CLRN3: variants seen among roughly 807,000 people sequenced by gnomAD.
CLRN3 encodes the protein clarin-3.
CLRN3 carries 12 observed loss-of-function variants against 16.7 expected under a neutral mutation model. The ratio of observed to expected loss-of-function variants is 0.72; its 90% CI spans 0.46 to 1.16. The LOEUF (loss-of-function observed/expected upper bound fraction) is 1.16, where lower values mean the gene tolerates loss of function less well. CLRN3 is among the 50% of genes most tolerant of loss of function. The probability of loss-of-function intolerance (pLI) is 0.00; values close to 1 mark genes in which losing one functional copy is unlikely to be tolerated. For missense variants in CLRN3, 296 were observed against 274.2 expected, an observed-to-expected ratio of 1.08 and a Z score of -0.56; for synonymous variants, 118 against 113.0, an observed-to-expected ratio of 1.04 and a Z score of -0.28.
chr10:127,889,600 G>A (rs910027350), intron 1 of CLRN3, among the ~76,000 whole-genome samples: 2 of 152,128 alleles, frequency 1.3e-5, no homozygotes, highest in African/African-American at 4.8e-5. Context: ...CTCCAGTCTG[G>A]GTGTGAAGCA....
intron 1 of CLRN3, among the ~76,000 whole-genome samples, chr10:127,885,821 T>C (rs1185366584): frequency 6.6e-6 from 1 of 151,840 alleles, no homozygotes; most frequent in African/African-American, 2.4e-5. Context: ...AATGGTGCGA[T>C]CTCGGCTCAC....
At chr10:127,881,929 T>C (rs1049208419) in intron 2 of CLRN3, among the ~76,000 whole-genome samples, 4 of 152,226 alleles carry the variant, frequency 2.6e-5, no homozygotes, top group African/African-American at 9.6e-5. Flanking sequence ...ACTCGAGCTG[T>C]GTCTGAAGCC....
chr10:127,886,160 G>T (rs1170076755), intron 1 of CLRN3, among the ~76,000 whole-genome samples: 1 of 152,228 alleles, frequency 6.6e-6, no homozygotes, highest in Non-Finnish European at 1.5e-5. Context: ...AAAGTGCTGG[G>T]ATTACAGGCC....
chr10:127,892,192 A>C (rs552365546), intron 1 of CLRN3, among the ~76,000 whole-genome samples: 1 of 152,342 alleles, frequency 6.6e-6, no homozygotes, highest in South Asian at 2.1e-4. Context: ...TTCTAGACAG[A>C]GGTTGTGGCT....
chr10:127,879,932 C>A (rs1249445574), intron 2 of CLRN3, among the ~76,000 whole-genome samples: 1 of 152,158 alleles, frequency 6.6e-6, no homozygotes, highest in East Asian at 1.9e-4. Flanking sequence ...GAGACTCCGT[C>A]TGCCGCCATG....
intron 2 of CLRN3, among the ~76,000 whole-genome samples, chr10:127,880,059 T>C (rs1208517366): frequency 6.6e-6 from 1 of 152,206 alleles, no homozygotes; most frequent in Non-Finnish European, 1.5e-5. Context: ...GAGAATGTTT[T>C]AAACACTCCT....
Position 127,878,024 on chromosome 10 carries a change from T to C in CLRN3, c.*125A>G. 8.2e-7 allele frequency: 1 copy of C among 1,226,922 alleles called. No homozygotes were observed. Among genetic ancestry groups the C allele is most frequent in the Non-Finnish European group, 1.1e-6 (1 of 881,860 alleles). 76.0% of individuals were successfully genotyped at this position (1,226,922 alleles called of 1,614,324 possible). On this transcript the variant is annotated 3_prime_UTR_variant, in exon 3 of 3. Transcript: ENST00000368671. ...AGCATCAATGAAGAACACAGTGTCA[T>C]GAAACACAAATGCTGTCACAGATGA...
intron 2 of CLRN3, among the ~76,000 whole-genome samples, chr10:127,881,779 T>A (rs1293191885): frequency 6.6e-6 from 1 of 152,176 alleles, no homozygotes; most frequent in Non-Finnish European, 1.5e-5. Flanking sequence ...CCATCAGCAA[T>A]GAGCCCAGAG....
In CLRN3 at chr10:127,883,876, C is replaced by T; in HGVS notation, c.230-1G>A. ...GAAGAATTATTCAGTATCTCTAAAA[C>T]TAAAACAATGTTTTGTGAGTGCATA... On this transcript the variant is annotated splice_acceptor_variant, in intron 1 of 2. Transcript: ENST00000368671. LOFTEE classifies it high-confidence loss of function. 6 of 1,614,094 alleles carry T rather than the reference C, an allele frequency of 3.7e-6. No homozygotes were observed. Among genetic ancestry groups the T allele is most frequent in the Non-Finnish European group, 5.1e-6 (6 of 1,179,926 alleles).
Position 127,892,734 on chromosome 10 carries a change from G to A in CLRN3, c.51C>T (p.Ser17=), listed in dbSNP as rs753157078. ...TLMFLSSFFT[S]LGSFIVICSI... ...AGCAAATTACAATGAAGGACCCAAG[G>A]CTGGTGAAAAAGCTTGATAAGAACA... Residue 17 remains serine, a synonymous_variant, in exon 1 of 3, where the codon AGC becomes AGT. Coordinates refer to ENST00000368671, the MANE Select transcript of CLRN3 (RefSeq NM_152311.5). 3.1e-6 allele frequency: 5 copies of A among 1,613,710 alleles called. No homozygotes were observed. Among genetic ancestry groups the A allele is most frequent in the Non-Finnish European group, 4.2e-6 (5 of 1,179,754 alleles).
At chr10:127,886,018 G>A (rs924489131) in intron 1 of CLRN3, among the ~76,000 whole-genome samples, 1 of 152,114 alleles carries the variant, frequency 6.6e-6, no homozygotes, top group Non-Finnish European at 1.5e-5. Context: ...GCCTACCAAA[G>A]TGCTGGGATT....
At chr10:127,879,158 G>C (rs1845095922) in intron 2 of CLRN3, among the ~76,000 whole-genome samples, 1 of 152,160 alleles carries the variant, frequency 6.6e-6, no homozygotes, top group African/African-American at 2.4e-5. Flanking sequence ...CCTGGGCTCT[G>C]AAGTGCAGTG....
intron 1 of CLRN3, among the ~76,000 whole-genome samples, chr10:127,889,487 T>C (rs759412319): frequency 1.6e-4 from 25 of 151,626 alleles, no homozygotes; most frequent in Non-Finnish European, 3.5e-4. Context: ...AGCCGGGTGT[T>C]GTAGTGTATT....
intron 1 of CLRN3, among the ~76,000 whole-genome samples, chr10:127,886,852 G>T (rs1044083741): frequency 6.6e-6 from 1 of 152,228 alleles, no homozygotes; most frequent in Non-Finnish European, 1.5e-5. Context: ...AACCCATAGA[G>T]CGTGGTGAAA....
intron 1 of CLRN3, among the ~76,000 whole-genome samples, chr10:127,887,829 C>G (rs887901459): frequency 1.3e-5 from 2 of 152,196 alleles, no homozygotes; most frequent in Non-Finnish European, 2.9e-5. Flanking sequence ...TCTTTTTCTT[C>G]CTTTTAGGGG....
chr10:127,886,909 G>A (rs1225899054), intron 1 of CLRN3, among the ~76,000 whole-genome samples: 3 of 152,194 alleles, frequency 2.0e-5, no homozygotes, highest in East Asian at 1.9e-4. Flanking sequence ...GGGCTCTAGC[G>A]GGACCTGGGT....
intron 1 of CLRN3, among the ~76,000 whole-genome samples, chr10:127,890,094 C>T (rs1591262929): frequency 6.6e-6 from 1 of 152,378 alleles, no homozygotes; most frequent in East Asian, 1.9e-4. Flanking sequence ...TAATCTCACA[C>T]TGAATGGTGA....
chr10:127,891,888 G>A (rs564254748), intron 1 of CLRN3, among the ~76,000 whole-genome samples: 1 of 152,206 alleles, frequency 6.6e-6, no homozygotes, highest in South Asian at 2.1e-4. Flanking sequence ...AAACATGAAG[G>A]TAGGTTATCA....
At chr10:127,879,688 A>T (rs967229284) in intron 2 of CLRN3, among the ~76,000 whole-genome samples, 1 of 152,198 alleles carries the variant, frequency 6.6e-6, no homozygotes, top group African/African-American at 2.4e-5. Flanking sequence ...TAAAATTGGC[A>T]GTGGTAAGCC....
Sources: gnomAD v4.1 joint callset for allele counts (sites outside exome capture counted in the v4.1 genomes callset) on GRCh38, gnomAD v4.1.1 for gene constraint, MANE v1.5 for transcripts, NCBI Gene and HGNC (gene_info 2026-07-23, HGNC 2026-07-21) for gene names.